Variants in HMGA2 observed in about 807,000 individuals in gnomAD.
HMGA2 encodes high mobility group AT-hook 2, also known as high mobility group protein HMGI-C.
A neutral mutation model predicts 19.1 loss-of-function variants in HMGA2; 8 were observed. The ratio of observed to expected loss-of-function variants is 0.42; its 90% CI spans 0.25 to 0.76. HMGA2 has a LOEUF of 0.76. Among genes scored for constraint, HMGA2 ranks in the 30% least tolerant of loss-of-function variants. The pLI is 0.28. For missense variants in HMGA2, 109 were observed against 136.3 expected, an observed-to-expected ratio of 0.80 and a Z score of 1.00; for synonymous variants, 60 against 48.8, an observed-to-expected ratio of 1.23 and a Z score of -0.96.
At chr12:65,920,755 C>T (rs151251364) in intron 3 of HMGA2, among the ~76,000 whole-genome samples, 2 of 152,294 alleles carry the variant, frequency 1.3e-5, no homozygotes, top group African/African-American at 4.8e-5. Flanking sequence ...ACTGTAAGTC[C>T]AATTAAACCT....
intron 3 of HMGA2, among the ~76,000 whole-genome samples, chr12:65,900,009 T>G (rs1389174745): frequency 6.6e-6 from 1 of 152,232 alleles, no homozygotes; most frequent in African/African-American, 2.4e-5. Flanking sequence ...ATCTGAATAT[T>G]TTGTACTTTT....
intron 2 of HMGA2, chr12:65,828,299 T>C (rs925925359): frequency 8.2e-6 from 4 of 486,914 alleles, no homozygotes; most frequent in African/African-American, 4.2e-5. Context: ...TACTTAACAG[T>C]GTTGTTTTTA....
Position 65,927,097 on chromosome 12 carries a change from T to A in HMGA2, c.250-24286T>A, listed in dbSNP as rs562045024. On this transcript the variant is annotated intron_variant, in intron 3 of 4. Coordinates refer to ENST00000403681, the MANE Select transcript of HMGA2 (RefSeq NM_003483.6). ...GCCTTCTTTCAACACACGGGAGTTT[T>A]ATCACTCATTTTAAACGCACAACTT... 9.8e-5 allele frequency among the ~76,000 whole-genome samples: 15 copies of A among 152,304 alleles called. No homozygotes were observed. In the South Asian group the frequency reaches 2.9e-3, roughly 29 times the overall value.
chr12:65,867,602 T>G, intron 3 of HMGA2: 1 of 370,708 alleles, frequency 2.7e-6, no homozygotes, highest in East Asian at 7.3e-5. Flanking sequence ...TGAAGAACAC[T>G]TCTGCCAAGT....
intron 4 of HMGA2, chr12:65,952,731 A>G (rs191857636): frequency 3.1e-4 from 73 of 234,442 alleles, no homozygotes; most frequent in African/African-American, 1.5e-3. Context: ...GAGAAAGTAA[A>G]TTGATAATTC....
At chr12:65,832,649 G>A (rs1421996664) in intron 2 of HMGA2, among the ~76,000 whole-genome samples, 2 of 151,992 alleles carry the variant, frequency 1.3e-5, no homozygotes, top group Non-Finnish European at 2.9e-5. Context: ...TGATTCTGAA[G>A]GTTTTAGTTA....
In HMGA2 at chr12:65,862,276, T is replaced by TACACACACACAC. The variant is rs34442419; in HGVS notation, c.249+23727_249+23738dup. 1.2e-3 allele frequency among the ~76,000 whole-genome samples: 169 copies of TACACACACACAC among 144,652 alleles called. 1 individual carries two copies. Among genetic ancestry groups the TACACACACACAC allele is most frequent in the African/African-American group, 4.1e-3 (162 of 39,224 alleles). The allele number at this position is 144,652 out of a possible 152,430, so 94.9% of individuals were successfully genotyped here. On this transcript the variant is annotated intron_variant, in intron 3 of 4. Transcript: ENST00000403681. ...ATAACAAATTTACCAAAATGCACCATACACACACACACACACACACACACA... is the reference window on the plus strand; with the variant it reads ...ATAACAAATTTACCAAAATGCACCATACACACACACACACACACACACACACACACACACACA...
intron 2 of HMGA2, among the ~76,000 whole-genome samples, chr12:65,836,442 T>C (rs1303856417): frequency 6.6e-6 from 1 of 151,956 alleles, no homozygotes; most frequent in East Asian, 1.9e-4. Context: ...GAGCACCTCA[T>C]GGGAGGCAGG....
At chr12:65,881,663 A>C (rs912735798) in intron 3 of HMGA2, 7 of 684,940 alleles carry the variant, frequency 1.0e-5, no homozygotes, top group Non-Finnish European at 1.9e-5. Flanking sequence ...AGAGAGAGAG[A>C]GAGGGGAGAA....
At chr12:65,900,719 A>T (rs971880567) in intron 3 of HMGA2, among the ~76,000 whole-genome samples, 8 of 152,220 alleles carry the variant, frequency 5.3e-5, no homozygotes, top group African/African-American at 1.9e-4. Flanking sequence ...AAGCGCTGGT[A>T]ATTACTGAAC....
At chr12:65,842,633 C>G in intron 3 of HMGA2, 1 of 1,535,442 alleles carries the variant, frequency 6.5e-7, no homozygotes, top group Non-Finnish European at 8.7e-7. Context: ...CTTCCAATAG[C>G]AGAGATTTGG....
In HMGA2 at chr12:65,926,500, T is replaced by C. The variant is rs75397840; in HGVS notation, c.250-24883T>C. On this transcript the variant is annotated intron_variant, in intron 3 of 4. Transcript: ENST00000403681. ...ACAAGTTTGACACTTAAAGTGATAGTAGCAAGTTTTTCTCTAACTGCAAGA... is the reference window on the plus strand; with the variant it reads ...ACAAGTTTGACACTTAAAGTGATAGCAGCAAGTTTTTCTCTAACTGCAAGA... Among the ~76,000 whole-genome samples the C allele has an allele frequency of 2.4e-3, 367 of 152,350 alleles. 3 individuals carry two copies. The highest frequency in any genetic ancestry group is 8.5e-3 in the African/African-American group (355 of 41,578).
At chr12:65,842,991 C>A in intron 3 of HMGA2, 1 of 578,592 alleles carries the variant, frequency 1.7e-6, no homozygotes, top group Non-Finnish European at 2.3e-6. Flanking sequence ...AAGCAAGAAC[C>A]AAATAATGAA....
chr12:65,932,448 C>A (rs1462196169), intron 3 of HMGA2, among the ~76,000 whole-genome samples: 4 of 152,220 alleles, frequency 2.6e-5, no homozygotes, highest in Non-Finnish European at 5.9e-5. Context: ...TTCTTGAATG[C>A]TGGCTATATG....
At chr12:65,960,257 G>A (rs1174945647) in intron 4 of HMGA2, among the ~76,000 whole-genome samples, 4 of 152,136 alleles carry the variant, frequency 2.6e-5, no homozygotes, top group South Asian at 2.1e-4. Context: ...CTCAGTTACA[G>A]AAACAGGACT....
At chr12:65,924,040 CA>C (rs1355866507) in intron 3 of HMGA2, among the ~76,000 whole-genome samples, 7 of 151,770 alleles carry the variant, frequency 4.6e-5, no homozygotes. Flanking sequence ...AAAGAACAAA[CA>C]AAAAAACCAG....
At chr12:65,864,040 G>A (rs1325059253) in intron 3 of HMGA2, among the ~76,000 whole-genome samples, 2 of 152,184 alleles carry the variant, frequency 1.3e-5, no homozygotes, top group Admixed American at 1.3e-4. Context: ...TGAATATTAT[G>A]TATGTGCAGT....
intron 3 of HMGA2, among the ~76,000 whole-genome samples, chr12:65,915,834 T>C (rs552093261): frequency 5.3e-5 from 8 of 152,326 alleles, no homozygotes; most frequent in Middle Eastern, 3.4e-3. Context: ...AGATTCTTAG[T>C]AATAGCAAAT....
intron 3 of HMGA2, among the ~76,000 whole-genome samples, chr12:65,950,135 G>A (rs1270695476): frequency 6.6e-6 from 1 of 152,194 alleles, no homozygotes; most frequent in Non-Finnish European, 1.5e-5. Context: ...AGCTGCTTTA[G>A]AAAGCTGTCT....
Sources: gnomAD v4.1 joint callset for allele counts (sites outside exome capture counted in the v4.1 genomes callset) on GRCh38, gnomAD v4.1.1 for gene constraint, MANE v1.5 for transcripts, NCBI Gene and HGNC (gene_info 2026-07-23, HGNC 2026-07-21) for gene names.